Variants in DPP8 observed in about 807,000 individuals in gnomAD.
The protein encoded by DPP8 is DPP VIII.
Under a neutral mutation model 107.5 loss-of-function variants are expected in DPP8, and 31 were observed. The ratio of observed to expected loss-of-function variants is 0.29; its 90% CI spans 0.22 to 0.39. The LOEUF is 0.39. Among genes scored for constraint, DPP8 ranks in the 10% least tolerant of loss-of-function variants. DPP8 has a pLI of 1.00. For missense variants in DPP8, 842 were observed against 1,076.1 expected (o/e 0.78, Z 3.04); for synonymous variants, 381 against 356.6 (o/e 1.07, Z -0.77).
At chr15:65,476,005 G>A (rs1595952245) in intron 11 of DPP8, among the ~76,000 whole-genome samples, 1 of 152,182 alleles carries the variant, frequency 6.6e-6, no homozygotes, top group Non-Finnish European at 1.5e-5. Context: ...GCCTGCCTCA[G>A]CCTCCCAAAG....
intron 4 of DPP8, among the ~76,000 whole-genome samples, chr15:65,499,105 G>GTGTGTGTGTGTGTGTGTGTGTGTGTGTA (rs1555468189): frequency 2.2e-4 from 30 of 138,828 alleles, no homozygotes; most frequent in African/African-American, 7.4e-4. Flanking sequence ...GTGTGTGTGT[G>GTGTGTGTGTGTGTGTGTGTGTGTGTGTA]TATATATAAA....
At position 65,461,331 on chromosome 15, in the gene DPP8, C is replaced by T. The variant is rs546841137; in HGVS notation, c.1971+2430G>A. On this transcript the variant is annotated intron_variant, in intron 15 of 19. Coordinates refer to ENST00000300141, the MANE Select transcript of DPP8 (RefSeq NM_130434.5). ...AGCTAACTTTATTTTTCTGTAGAGACGGGGTCTCACTTTGTTGCTCAGGCT... is the reference window on the plus strand; with the variant it reads ...AGCTAACTTTATTTTTCTGTAGAGATGGGGTCTCACTTTGTTGCTCAGGCT... Among the ~76,000 whole-genome samples the T allele has an allele frequency of 2.4e-4, 37 of 152,048 alleles. No homozygotes were observed. In the East Asian group the frequency reaches 3.7e-3, roughly 15 times the overall value.
At position 65,487,158 on chromosome 15, in the gene DPP8, T is replaced by C. The variant is rs548881836; in HGVS notation, c.955+532A>G. 2.0e-3 allele frequency among the ~76,000 whole-genome samples: 297 copies of C among 152,262 alleles called. 1 individual carries two copies. The highest frequency in any genetic ancestry group is 7.0e-3 in the African/African-American group (289 of 41,538). The stretch of plus-strand genomic sequence containing the variant: ...TTTGCTAGCAAAGACACCTTCTTTT[T>C]TTTTTTCTGAGATAGAGTTTCACTC... On this transcript the variant is annotated intron_variant, in intron 7 of 19. Coordinates refer to ENST00000300141, the MANE Select transcript of DPP8 (RefSeq NM_130434.5).
intron 13 of DPP8, 50 bp downstream of exon 13, chr15:65,467,021 A>T: frequency 6.2e-7 from 1 of 1,602,632 alleles, no homozygotes; most frequent in South Asian, 1.1e-5. Context: ...GTATTACATA[A>T]GCAGAGAGTT....
At position 65,487,829 on chromosome 15, in the gene DPP8, A is replaced by G. The variant is rs1172435642; in HGVS notation, c.827-11T>C. ...TACCACCACTGGGAGCTTAAAAGAA[A>G]TTTAAATATTGAAAATTTAGAAGAA... On this transcript the variant is annotated splice_polypyrimidine_tract_variant and intron_variant, in intron 6 of 19. Coordinates refer to ENST00000300141, the MANE Select transcript of DPP8 (RefSeq NM_130434.5). 6.7e-7 allele frequency: 1 copy of G among 1,493,424 alleles called. No homozygotes were observed. The highest frequency in any genetic ancestry group is 1.4e-5 in the African/African-American group (1 of 70,946). 92.5% of individuals were successfully genotyped at this position (1,493,424 alleles called of 1,614,324 possible).
Position 65,480,394 on chromosome 15 carries a change from C to CAAGCACTATTTAAAT in DPP8, c.1119-10_1123dup (p.Ala374_Trp375insTyrLeuAsnSerAla). The CAAGCACTATTTAAAT allele has an allele frequency of 6.2e-7, 1 of 1,600,728 alleles. No individual in the cohort carries two copies. Among genetic ancestry groups the CAAGCACTATTTAAAT allele is most frequent in the Non-Finnish European group, 8.5e-7 (1 of 1,175,144 alleles). Reference sequence around the variant, plus strand: ...CTGGGAGCGATCTAGTAGGATGGACCAAGCACTATTTAAATAAATAAAAGA... The same window carrying CAAGCACTATTTAAAT: ...CTGGGAGCGATCTAGTAGGATGGACCAAGCACTATTTAAATAAGCACTATTTAAATAAATAAAAGA... On this transcript the variant is annotated inframe_insertion, in exon 10 of 20. Coordinates refer to ENST00000300141, the MANE Select transcript of DPP8 (RefSeq NM_130434.5).
intron 2 of DPP8, 136 bp from the exon 3 acceptor site, chr15:65,507,491 T>C: frequency 1.8e-6 from 1 of 546,694 alleles, no homozygotes; most frequent in Non-Finnish European, 3.2e-6. Context: ...TGTTAACAAG[T>C]AGAATGTGCT....
chr15:65,464,782 T>C (rs901339726), intron 14 of DPP8, among the ~76,000 whole-genome samples: 1 of 152,216 alleles, frequency 6.6e-6, no homozygotes, highest in Non-Finnish European at 1.5e-5. Flanking sequence ...CCAATAATCC[T>C]TGGAGCCTAG....
chr15:65,487,667 T>C, intron 7 of DPP8, 23 bp downstream of exon 7: 2 of 1,592,778 alleles, frequency 1.3e-6, no homozygotes, highest in Non-Finnish European at 1.7e-6. Flanking sequence ...TGAGTGAATA[T>C]AAATGCCAAT....
chr15:65,498,044 A>G lies in DPP8; in HGVS notation c.547-12T>C. The G allele has an allele frequency of 6.3e-7, 1 of 1,575,782 alleles. No homozygotes were observed. Among genetic ancestry groups the G allele is most frequent in the Non-Finnish European group, 8.7e-7 (1 of 1,155,782 alleles). ...CTTAAAGGTTGTTGCTAGAAAAGTA[A>G]ACAACATTTTAAGGTAAGTATTAGG... On this transcript the variant is annotated splice_polypyrimidine_tract_variant and intron_variant, in intron 4 of 19. Coordinates refer to ENST00000300141, the MANE Select transcript of DPP8 (RefSeq NM_130434.5).
Position 65,450,993 on chromosome 15 carries a change from A to G in DPP8, c.2526+6T>C. ...GCATTTAACTAGAAAATGTAGAGTA[A>G]CTCACCTGTAAATCATATGGCTTTC... On this transcript the variant is annotated splice_donor_region_variant and intron_variant, in intron 19 of 19. Coordinates refer to ENST00000300141, the MANE Select transcript of DPP8 (RefSeq NM_130434.5). The G allele has an allele frequency of 1.3e-6, 2 of 1,493,030 alleles. No individual in the cohort carries two copies. Among genetic ancestry groups the G allele is most frequent in the Non-Finnish European group, 1.9e-6 (2 of 1,073,450 alleles). 92.5% of individuals were successfully genotyped at this position (1,493,030 alleles called of 1,614,324 possible).
chr15:65,516,114 T>C lies in DPP8; in HGVS notation c.-12+1372A>G, dbSNP rs8042541. On this transcript the variant is annotated intron_variant, in intron 1 of 19. Coordinates refer to ENST00000300141, the MANE Select transcript of DPP8 (RefSeq NM_130434.5). ...CAGATGTGAAGTTACTCAGTGACTA[T>C]TGCAAATCATCAAAAACGGCATATG... The C allele has an allele frequency of 6.0e-3, 1,645 of 276,062 alleles. 24 individuals are homozygous for C. Among genetic ancestry groups the C allele is most frequent in the African/African-American group, 0.033 (1,497 of 46,000 alleles). The allele number at this position is 276,062 out of a possible 1,614,324, so 17.1% of individuals were successfully genotyped here.
intron 4 of DPP8, 127 bp from the exon 5 acceptor site, chr15:65,498,159 C>G: frequency 1.6e-6 from 1 of 639,496 alleles, no homozygotes; most frequent in Non-Finnish European, 2.4e-6. Flanking sequence ...TGGTGACTTA[C>G]GCCTGTAATC....
intron 2 of DPP8, chr15:65,512,000 T>C: frequency 1.9e-6 from 1 of 520,522 alleles, no homozygotes; most frequent in Non-Finnish European, 3.7e-6. Context: ...TTGTTTGTTT[T>C]CCTAATCAGA....
chr15:65,483,586 C>CAATAA (rs71139408), intron 8 of DPP8, among the ~76,000 whole-genome samples: 26,188 of 140,612 alleles, frequency 0.19, 2,677 homozygotes, highest in Non-Finnish European at 0.22. Flanking sequence ...TTTCTTCAAA[C>CAATAA]AATAAAATAA....
intron 3 of DPP8, among the ~76,000 whole-genome samples, chr15:65,506,602 ATATATG>A (rs1234587200): frequency 6.7e-6 from 1 of 148,906 alleles, no homozygotes; most frequent in East Asian, 2.0e-4. Flanking sequence ...TTAAACATAT[ATATATG>A]TAAACATATA....
chr15:65,480,689 T>G (rs2066842896), intron 9 of DPP8, among the ~76,000 whole-genome samples: 1 of 152,120 alleles, frequency 6.6e-6, no homozygotes, highest in South Asian at 2.1e-4. Context: ...TCCCAGCACT[T>G]TGGGAGGTCA....
At chr15:65,507,152 A>G (rs2070136483) in intron 3 of DPP8, 91 bp downstream of exon 3, 1 of 646,712 alleles carries the variant, frequency 1.5e-6, no homozygotes, top group Non-Finnish European at 2.5e-6. Context: ...TTTTATTTAC[A>G]TCTACTTCAA....
intron 6 of DPP8, 90 bp from the exon 7 acceptor site, chr15:65,487,908 T>A (rs1489382010): frequency 1.2e-6 from 1 of 864,614 alleles, no homozygotes. Context: ...AGATTTCTTA[T>A]AGTGAAGAAT....
Sources: gnomAD v4.1 joint callset for allele counts (sites outside exome capture counted in the v4.1 genomes callset) on GRCh38, gnomAD v4.1.1 for gene constraint, MANE v1.5 for transcripts, NCBI Gene and HGNC (gene_info 2026-07-23, HGNC 2026-07-21) for gene names.